Variants in ATOH8 observed in about 807,000 individuals in gnomAD.
ATOH8 encodes transcription factor ATOH8.
A neutral mutation model predicts 21.2 loss-of-function variants in ATOH8; 9 were observed. That is an observed-to-expected ratio of 0.42 (90% CI 0.26 to 0.74). The LOEUF is 0.74. Ranked by LOEUF, ATOH8 falls within the 30% of genes least tolerant of loss-of-function variation. The pLI, the probability that ATOH8 is intolerant of heterozygous loss-of-function variation, is 0.24. For missense variants in ATOH8, 524 were observed against 470.9 expected, an observed-to-expected ratio of 1.11 and a Z score of -1.04; for synonymous variants, 253 against 224.0, an observed-to-expected ratio of 1.13 and a Z score of -1.16.
Position 85,785,140 on chromosome 2 carries a change from C to T in ATOH8, c.961-1745C>T, listed in dbSNP as rs1324421775. 6.6e-6 allele frequency among the ~76,000 whole-genome samples: 1 copy of T among 152,224 alleles called. No individual in the cohort carries two copies. Among genetic ancestry groups the T allele is most frequent in the African/African-American group, 2.4e-5 (1 of 41,450 alleles). On this transcript the variant is annotated intron_variant, in intron 2 of 2. Coordinates refer to ENST00000306279, the MANE Select transcript of ATOH8 (RefSeq NM_032827.7). The surrounding 1 kb of genome is among the most constrained non-coding windows in gnomAD (Gnocchi z 4.1). ...TGCCCAGGAGGACGGCTCCAGCCAA[C>T]CCAGCCTCCCCTTCTTCCTCAGGCC...
At chr2:85,777,844 G>A (rs1158518492) in intron 2 of ATOH8, among the ~76,000 whole-genome samples, 1 of 152,220 alleles carries the variant, frequency 6.6e-6, no homozygotes, top group Non-Finnish European at 1.5e-5. Flanking sequence ...GATGAATGGA[G>A]CAGTGGAAGC....
At chr2:85,769,625 G>T (rs1273697455) in intron 2 of ATOH8, among the ~76,000 whole-genome samples, 1 of 152,200 alleles carries the variant, frequency 6.6e-6, no homozygotes, top group South Asian at 2.1e-4. Context: ...CCGTAGCTTC[G>T]GTGCCAGGGA....
chr2:85,754,805 T>G lies in ATOH8; in HGVS notation c.616T>G (p.Ser206Ala). 1 of 1,612,822 alleles carries G rather than the reference T, an allele frequency of 6.2e-7. No homozygotes were observed. The highest frequency in any genetic ancestry group is 1.7e-5 in the Admixed American group (1 of 60,028). ...CGTAATTTACAATAACCACCAGGAT[T>G]CCTCCGCGTCGCCTAGGAAACGACC... Reference protein sequence around the residue: ...SHVIYNNHQDSSASPRKRPGE... With the variant: ...SHVIYNNHQDASASPRKRPGE... The change falls in exon 1 of 3, where the codon TCC (serine) becomes GCC (alanine). Residue 206 changes from serine (S) to alanine (A), a missense_variant. Coordinates refer to ENST00000306279, the MANE Select transcript of ATOH8 (RefSeq NM_032827.7).
chr2:85,778,521 C>G (rs1680396668), intron 2 of ATOH8, among the ~76,000 whole-genome samples: 1 of 152,160 alleles, frequency 6.6e-6, no homozygotes. Flanking sequence ...TTGGGCTTCC[C>G]AAATGTCTCA....
At position 85,754,458 on chromosome 2, in the gene ATOH8, C is replaced by T; in HGVS notation, c.269C>T (p.Thr90Met). The T allele has an allele frequency of 6.7e-7, 1 of 1,493,514 alleles. No individual in the cohort carries two copies. Among genetic ancestry groups the T allele is most frequent in the Non-Finnish European group, 8.8e-7 (1 of 1,131,444 alleles). 92.5% of individuals were successfully genotyped at this position (1,493,514 alleles called of 1,614,324 possible). ...VAPAVPPRGG[T>M]DTAGERGGSR... ...CCGGCCGTTCCCCCAAGAGGGGGCA[C>T]GGACACAGCCGGGGAGCGCGGGGGC... is the stretch of plus-strand genomic sequence containing the variant. The change falls in exon 1 of 3, where the codon ACG becomes ATG. Residue 90 changes from threonine (T) to methionine (M), a missense_variant. Thr to Met is a moderately conservative substitution (Grantham distance 81). Coordinates refer to ENST00000306279, the MANE Select transcript of ATOH8 (RefSeq NM_032827.7).
In ATOH8 at chr2:85,774,144, C is replaced by G. The variant is rs894321228; in HGVS notation, c.960+9962C>G. ...TGCTCTCCCTCCCATGTCTCCTGCCCAAGAAGTTGGTCTTCGTGGGGCCAA... is the reference window on the plus strand; with the variant it reads ...TGCTCTCCCTCCCATGTCTCCTGCCGAAGAAGTTGGTCTTCGTGGGGCCAA... On this transcript the variant is annotated intron_variant, in intron 2 of 2. Coordinates refer to ENST00000306279, the MANE Select transcript of ATOH8 (RefSeq NM_032827.7). 1.9e-5 allele frequency: 19 copies of G among 985,334 alleles called. No homozygotes were observed. The African/African-American group carries it at 3.1e-4, about 16-fold the overall frequency. 61.0% of individuals were successfully genotyped at this position (985,334 alleles called of 1,614,324 possible). A position where few individuals can be genotyped will look rare whatever the true frequency, so the allele number is the denominator to read the frequency against.
At chr2:85,758,478 G>A (rs1364929235) in intron 1 of ATOH8, among the ~76,000 whole-genome samples, 1 of 152,202 alleles carries the variant, frequency 6.6e-6, no homozygotes, top group Non-Finnish European at 1.5e-5. Context: ...GTGTGCCGCT[G>A]TTGCTGCGGA....
intron 2 of ATOH8, among the ~76,000 whole-genome samples, chr2:85,775,650 A>G (rs1365250150): frequency 6.6e-6 from 1 of 152,154 alleles, no homozygotes; most frequent in Admixed American, 6.5e-5. Context: ...ATCTACAGTC[A>G]GGGTAGGGGG....
intron 2 of ATOH8, among the ~76,000 whole-genome samples, chr2:85,778,155 G>A (rs1187164484): frequency 6.6e-6 from 1 of 152,224 alleles, no homozygotes; most frequent in Non-Finnish European, 1.5e-5. Context: ...AGAAACTGAG[G>A]CACAGACAGG....
chr2:85,764,407 C>T (rs892967990), intron 2 of ATOH8, among the ~76,000 whole-genome samples: 6 of 152,298 alleles, frequency 3.9e-5, no homozygotes, highest in African/African-American at 1.4e-4. Flanking sequence ...GAACAGTCAC[C>T]CAGGGTCTCT....
chr2:85,778,946 C>G (rs1680409328), intron 2 of ATOH8, among the ~76,000 whole-genome samples: 1 of 152,222 alleles, frequency 6.6e-6, no homozygotes. Context: ...CTCCACCAGC[C>G]TGGGTGCCTC....
chr2:85,754,405 A>G lies in ATOH8; in HGVS notation c.216A>G (p.Val72=), dbSNP rs60333657. The G allele has an allele frequency of 2.5e-6, 4 of 1,570,514 alleles. No homozygotes were observed. The highest frequency in any genetic ancestry group is 2.4e-5 in the East Asian group (1 of 41,188). The part of the protein sequence containing the change: ...DRTHRLQPVP[V]PVPVPVPVAP... ...CCCATCGGCTGCAGCCGGTCCCGGT[A>G]CCGGTGCCGGTGCCAGTCCCAGTGG... Residue 72 remains valine, a synonymous_variant, in exon 1 of 3, where the codon GTA becomes GTG. Transcript: ENST00000306279.
chr2:85,774,131 C>T (rs1156318048), intron 2 of ATOH8: 8 of 985,502 alleles, frequency 8.1e-6, no homozygotes, highest in Non-Finnish European at 7.2e-6. Flanking sequence ...CTCTCCCTCC[C>T]ATGTCTCCTG....
At chr2:85,765,270 C>T (rs907356077) in intron 2 of ATOH8, among the ~76,000 whole-genome samples, 3 of 152,214 alleles carry the variant, frequency 2.0e-5, no homozygotes, top group Non-Finnish European at 2.9e-5. Context: ...GCCTGCCCCT[C>T]CCCCATCCCT....
chr2:85,754,115 C>T lies in ATOH8; in HGVS notation c.-75C>T. The T allele has an allele frequency of 7.2e-7, 1 of 1,390,898 alleles. No homozygotes were observed. The highest frequency in any genetic ancestry group is 1.6e-5 in the South Asian group (1 of 62,056). The allele number at this position is 1,390,898 out of a possible 1,614,324, so 86.2% of individuals were successfully genotyped here. ...GGGGAGGGCGGGCGAAGCGGGAGAG[C>T]CAGAGACTCCTCGGCGCTGAGCGCG... On this transcript the variant is annotated 5_prime_UTR_variant, in exon 1 of 3. Coordinates refer to ENST00000306279, the MANE Select transcript of ATOH8 (RefSeq NM_032827.7).
At chr2:85,778,137 A>G (rs939999489) in intron 2 of ATOH8, among the ~76,000 whole-genome samples, 1 of 152,248 alleles carries the variant, frequency 6.6e-6, no homozygotes, top group African/African-American at 2.4e-5. Flanking sequence ...TTACCATTTT[A>G]TAGGTAAAGA....
intron 1 of ATOH8, among the ~76,000 whole-genome samples, chr2:85,757,383 C>T (rs1679738092): frequency 6.6e-6 from 1 of 152,232 alleles, no homozygotes; most frequent in Admixed American, 6.5e-5. Flanking sequence ...CGCACCCCCT[C>T]CCCGAATCCA....
At chr2:85,771,330 A>G (rs1181124148) in intron 2 of ATOH8, among the ~76,000 whole-genome samples, 1 of 152,180 alleles carries the variant, frequency 6.6e-6, no homozygotes, top group Non-Finnish European at 1.5e-5. Flanking sequence ...AAGTGAAAGC[A>G]CACAAATCTG....
intron 2 of ATOH8, among the ~76,000 whole-genome samples, chr2:85,767,580 T>TCCCCTTC (rs1680052547): frequency 1.3e-5 from 1 of 79,234 alleles, no homozygotes; most frequent in Non-Finnish European, 2.5e-5. Context: ...CCCTCCCCTC[T>TCCCCTTC]CCTTCCCTTC....
Sources: allele counts gnomAD v4.1 joint callset (sites outside exome capture counted in the v4.1 genomes callset), GRCh38; gene constraint gnomAD v4.1.1; non-coding constraint Gnocchi (gnomAD v3.1); transcripts MANE v1.5; gene names NCBI Gene and HGNC (gene_info 2026-07-23, HGNC 2026-07-21).